The following ATP6V0D2 variants were observed in gnomAD, a reference collection of about 807,000 sequenced individuals.
The protein encoded by ATP6V0D2 is V-type proton ATPase subunit d 2.
A neutral mutation model predicts 40.0 loss-of-function variants in ATP6V0D2; 40 were observed. That is an observed-to-expected ratio of 1.00 (90% CI 0.78 to 1.30). The LOEUF is 1.30. Among genes scored for constraint, ATP6V0D2 ranks in the 50% most tolerant of loss-of-function variants. The pLI is 0.00. For missense variants in ATP6V0D2, 470 were observed against 423.1 expected (o/e 1.11, Z -0.97); for synonymous variants, 179 against 156.3 (o/e 1.15, Z -1.08).
chr8:86,135,577 AGT>A (rs962595177), intron 2 of ATP6V0D2, among the ~76,000 whole-genome samples: 2 of 152,208 alleles, frequency 1.3e-5, no homozygotes, highest in African/African-American at 4.8e-5. Flanking sequence ...CTTGAGTGAG[AGT>A]GTGCATATAA....
chr8:86,106,246 C>G (rs1490548164), intron 1 of ATP6V0D2, among the ~76,000 whole-genome samples: 1 of 152,040 alleles, frequency 6.6e-6, no homozygotes, highest in Non-Finnish European at 1.5e-5. Context: ...GATCCTCCCA[C>G]CTTAGCCTTT....
chr8:86,131,682 G>A (rs1818827221), intron 2 of ATP6V0D2, among the ~76,000 whole-genome samples: 1 of 151,148 alleles, frequency 6.6e-6, no homozygotes. Context: ...TGTATTTTTA[G>A]TACAGATGGG....
At chr8:86,135,008 G>C (rs141975708) in intron 2 of ATP6V0D2, among the ~76,000 whole-genome samples, 1 of 151,018 alleles carries the variant, frequency 6.6e-6, no homozygotes, top group Non-Finnish European at 1.5e-5. Context: ...GAACTGATTC[G>C]CATTTTCTAG....
intron 2 of ATP6V0D2, among the ~76,000 whole-genome samples, chr8:86,126,559 T>C (rs565987052): frequency 3.4e-4 from 52 of 152,172 alleles, no homozygotes; most frequent in African/African-American, 1.1e-3. Context: ...ACACTAAATA[T>C]GTATTAAATA....
At chr8:86,132,614 A>T (rs529295668) in intron 2 of ATP6V0D2, among the ~76,000 whole-genome samples, 1 of 152,170 alleles carries the variant, frequency 6.6e-6, no homozygotes, top group South Asian at 2.1e-4. Flanking sequence ...ATTTTACTTA[A>T]CATATTGACC....
chr8:86,103,219 G>A (rs913541719), intron 1 of ATP6V0D2, among the ~76,000 whole-genome samples: 6 of 151,502 alleles, frequency 4.0e-5, no homozygotes, highest in Admixed American at 6.6e-5. Flanking sequence ...CCAAGTTCAA[G>A]TGATTCTCCT....
At chr8:86,124,656 A>G (rs1818716447) in intron 2 of ATP6V0D2, among the ~76,000 whole-genome samples, 1 of 152,198 alleles carries the variant, frequency 6.6e-6, no homozygotes, top group Non-Finnish European at 1.5e-5. Flanking sequence ...TCTGTAGTAC[A>G]GGGATCGTAA....
intron 5 of ATP6V0D2, among the ~76,000 whole-genome samples, chr8:86,149,467 T>C (rs938086762): frequency 7.2e-5 from 11 of 152,144 alleles, no homozygotes; most frequent in Non-Finnish European, 1.5e-4. Flanking sequence ...GTAGCCACAT[T>C]CCAGCATCTT....
At chr8:86,126,822 G>A (rs372696888) in intron 2 of ATP6V0D2, among the ~76,000 whole-genome samples, 1 of 152,064 alleles carries the variant, frequency 6.6e-6, no homozygotes, top group Non-Finnish European at 1.5e-5. Flanking sequence ...ATGTAGAAAA[G>A]GACAAGTTAA....
chr8:86,148,120 T>G (rs1355763390), intron 5 of ATP6V0D2, among the ~76,000 whole-genome samples: 2 of 152,210 alleles, frequency 1.3e-5, no homozygotes, highest in African/African-American at 4.8e-5. Flanking sequence ...CATGACATTT[T>G]AGAATCTGAG....
intron 4 of ATP6V0D2, among the ~76,000 whole-genome samples, chr8:86,142,508 A>G (rs558727234): frequency 1.3e-4 from 20 of 152,322 alleles, no homozygotes; most frequent in Non-Finnish European, 2.9e-4. Context: ...GTGCCTCTAC[A>G]AGAGACTAAA....
At chr8:86,149,136 G>A (rs1302932030) in intron 5 of ATP6V0D2, among the ~76,000 whole-genome samples, 1 of 150,628 alleles carries the variant, frequency 6.6e-6, no homozygotes, top group Non-Finnish European at 1.5e-5. Context: ...GAGAAATGCA[G>A]GCACAGATTT....
At chr8:86,134,351 A>C (rs958499973) in intron 2 of ATP6V0D2, among the ~76,000 whole-genome samples, 9 of 152,220 alleles carry the variant, frequency 5.9e-5, no homozygotes, top group South Asian at 2.1e-4. Context: ...TGATAAAAAG[A>C]GTAATCTTGA....
chr8:86,136,412 A>C (rs2626330), intron 2 of ATP6V0D2, among the ~76,000 whole-genome samples: 1 of 151,948 alleles, frequency 6.6e-6, no homozygotes, highest in Non-Finnish European at 1.5e-5. Context: ...ATTGCAGGGG[A>C]GGTTGTGGGG....
chr8:86,147,091 G>A (rs1400384996), intron 5 of ATP6V0D2, among the ~76,000 whole-genome samples: 5 of 152,046 alleles, frequency 3.3e-5, no homozygotes, highest in Non-Finnish European at 7.4e-5. Flanking sequence ...TCAATCTTAT[G>A]GTTAATAGGG....
intron 5 of ATP6V0D2, among the ~76,000 whole-genome samples, chr8:86,145,233 A>AAGAAAGAAAGAGAGAGAG (rs1554589869): frequency 2.6e-5 from 1 of 38,442 alleles, no homozygotes; most frequent in Admixed American, 2.8e-4. Flanking sequence ...GAAAGAAAGA[A>AAGAAAGAAAGAGAGAGAG]AGAGAGAGAG....
chr8:86,110,844 G>A (rs1200673813), intron 1 of ATP6V0D2, among the ~76,000 whole-genome samples: 2 of 152,062 alleles, frequency 1.3e-5, no homozygotes, highest in Non-Finnish European at 2.9e-5. Context: ...CTCTGGGATA[G>A]GACAGGACAG....
intron 1 of ATP6V0D2, among the ~76,000 whole-genome samples, chr8:86,111,604 T>C (rs1818528400): frequency 2.0e-5 from 3 of 152,294 alleles, no homozygotes; most frequent in Admixed American, 2.0e-4. Context: ...ATATACCCAG[T>C]AGTGAGATTG....
chr8:86,140,277 C>T (rs1166098424), intron 3 of ATP6V0D2, among the ~76,000 whole-genome samples: 8 of 152,074 alleles, frequency 5.3e-5, no homozygotes, highest in Non-Finnish European at 1.0e-4. Flanking sequence ...TAGCAATTCA[C>T]TATTGATCGT....
Sources: gnomAD v4.1 joint callset for allele counts (sites outside exome capture counted in the v4.1 genomes callset) on GRCh38, gnomAD v4.1.1 for gene constraint, MANE v1.5 for transcripts, NCBI Gene and HGNC (gene_info 2026-07-23, HGNC 2026-07-21) for gene names.